The following DPP10 variants were observed in gnomAD, a reference collection of about 807,000 sequenced individuals.
DPP10 encodes dipeptidyl peptidase like 10, also known as inactive dipeptidyl peptidase 10.
Under a neutral mutation model 120.9 loss-of-function variants are expected in DPP10, and 33 were observed. The ratio of observed to expected loss-of-function variants is 0.27; its 90% confidence interval spans 0.21 to 0.37. DPP10 has a LOEUF of 0.37. DPP10 is among the 10% of genes least tolerant of loss of function. The pLI, the probability that DPP10 is intolerant of heterozygous loss-of-function variation, is 1.00. For synonymous variants in DPP10, 337 were observed against 326.1 expected (o/e 1.03, Z -0.36); for missense variants, 816 against 942.8 (o/e 0.87, Z 1.76).
At chr2:114,901,579 G>T (rs1191235386) in intron 1 of DPP10, among the ~76,000 whole-genome samples, 1 of 152,176 alleles carries the variant, frequency 6.6e-6, no homozygotes, top group Non-Finnish European at 1.5e-5. Context: ...ATCAATTTGT[G>T]AGGATAAACT....
At chr2:115,410,105 C>T (rs1016287123) in intron 3 of DPP10, among the ~76,000 whole-genome samples, 1 of 152,088 alleles carries the variant, frequency 6.6e-6, no homozygotes, top group Non-Finnish European at 1.5e-5. Flanking sequence ...ATCTCCCAGC[C>T]CCATTGATTA....
intron 13 of DPP10, among the ~76,000 whole-genome samples, chr2:115,773,096 A>G (rs774892194): frequency 1.3e-5 from 2 of 152,170 alleles, no homozygotes; most frequent in Non-Finnish European, 2.9e-5. Flanking sequence ...TTTTTGCATT[A>G]AGTTTCACTG....
chr2:115,496,943 A>G (rs1037286838), intron 3 of DPP10, among the ~76,000 whole-genome samples: 1 of 152,060 alleles, frequency 6.6e-6, no homozygotes, highest in African/African-American at 2.4e-5. Flanking sequence ...ATGCAATTAT[A>G]AAAGTGTGGA....
chr2:115,837,742 A>C (rs899623563), intron 24 of DPP10, among the ~76,000 whole-genome samples: 1 of 152,158 alleles, frequency 6.6e-6, no homozygotes, highest in Non-Finnish European at 1.5e-5. Context: ...AAGCCCATAC[A>C]TAACACCAGT....
At chr2:115,243,669 A>G (rs1176363639) in intron 1 of DPP10, among the ~76,000 whole-genome samples, 4 of 152,124 alleles carry the variant, frequency 2.6e-5, no homozygotes, top group Non-Finnish European at 5.9e-5. Context: ...ACATAGTCCA[A>G]GCAACCAACA....
intron 5 of DPP10, among the ~76,000 whole-genome samples, chr2:115,625,314 T>G (rs965088458): frequency 1.3e-5 from 2 of 152,146 alleles, no homozygotes; most frequent in African/African-American, 4.8e-5. Flanking sequence ...GTATTTAAAA[T>G]TACTGTAATT....
rs77834878 is a variant in DPP10 at position 115,536,653 on chromosome 2, G to A, written c.441+10681G>A. 4.0e-4 allele frequency among the ~76,000 whole-genome samples: 61 copies of A among 152,104 alleles called. 1 individual carries two copies. The East Asian group carries it at 0.01, about 26-fold the overall frequency. ...TTTAAGGTTCCTTTTGGTTTATGAT[G>A]CTATTTTATAGGACACGAATGCTTT... On this transcript the variant is annotated intron_variant, in intron 5 of 25. Coordinates refer to ENST00000410059, the MANE Select transcript of DPP10 (RefSeq NM_020868.6).
At chr2:115,161,832 C>G in intron 1 of DPP10, 1 of 971,150 alleles carries the variant, frequency 1.0e-6, no homozygotes, top group East Asian at 3.5e-5. Flanking sequence ...CTCCGCTCCC[C>G]CCACCCCGTC....
rs549842810 is a variant in DPP10, at chr2:114,997,314, C to T, written c.61-311925C>T. ...ACCATCCTGGTCAACATGGTGAAAC[C>T]CCGTCTCTACTGAAAAAAAAAAAAA... On this transcript the variant is annotated intron_variant, in intron 1 of 25. Coordinates refer to ENST00000410059, the MANE Select transcript of DPP10 (RefSeq NM_020868.6). Among the ~76,000 whole-genome samples the T allele has an allele frequency of 2.4e-5, 3 of 123,474 alleles. No individual in the cohort carries two copies. The South Asian group carries it at 9.5e-4, about 39-fold the overall frequency. The allele number at this position is 123,474 out of a possible 152,430, so 81.0% of individuals were successfully genotyped here.
At chr2:115,306,112 A>G (rs71418551) in intron 1 of DPP10, among the ~76,000 whole-genome samples, 4,141 of 152,126 alleles carry the variant, frequency 0.027, 73 homozygotes, top group South Asian at 0.059. Context: ...GAGGCTCAGA[A>G]TAATTTAGAA....
intron 1 of DPP10, among the ~76,000 whole-genome samples, chr2:115,187,430 A>G (rs773212441): frequency 2.0e-4 from 30 of 152,090 alleles, no homozygotes; most frequent in Non-Finnish European, 4.3e-4. Context: ...ATTTATGGAC[A>G]TTTTTCATAC....
intron 1 of DPP10, among the ~76,000 whole-genome samples, chr2:114,529,641 C>T (rs964528603): frequency 9.2e-5 from 14 of 152,134 alleles, no homozygotes; most frequent in Non-Finnish European, 2.9e-5. Context: ...CTCCTCCCAT[C>T]CCTAGCCTGC....
chr2:115,609,805 A>T (rs1383384447), intron 5 of DPP10, among the ~76,000 whole-genome samples: 1 of 152,158 alleles, frequency 6.6e-6, no homozygotes, highest in Non-Finnish European at 1.5e-5. Flanking sequence ...AATATTTATA[A>T]GGTCATGAAT....
chr2:115,736,716 C>T (rs1676557140), intron 8 of DPP10, among the ~76,000 whole-genome samples: 1 of 152,152 alleles, frequency 6.6e-6, no homozygotes, highest in Non-Finnish European at 1.5e-5. Flanking sequence ...GCCATCAGCT[C>T]TTCCCCTGAG....
At chr2:114,839,065 T>C (rs1687956991) in intron 1 of DPP10, among the ~76,000 whole-genome samples, 1 of 152,212 alleles carries the variant, frequency 6.6e-6, no homozygotes, top group Non-Finnish European at 1.5e-5. Context: ...TTTTGACAAG[T>C]ACACTATTGA....
At chr2:115,044,314 G>C (rs934782116) in intron 1 of DPP10, among the ~76,000 whole-genome samples, 1 of 152,086 alleles carries the variant, frequency 6.6e-6, no homozygotes, top group East Asian at 1.9e-4. Context: ...GAGAAACAGA[G>C]AGAGAAGGGA....
At chr2:114,686,142 G>C (rs1699350629) in intron 1 of DPP10, among the ~76,000 whole-genome samples, 1 of 151,874 alleles carries the variant, frequency 6.6e-6, no homozygotes, top group Non-Finnish European at 1.5e-5. Context: ...GGTGATGCAA[G>C]GAAAAGAGAA....
chr2:114,799,748 C>T (rs1003113702), intron 1 of DPP10, among the ~76,000 whole-genome samples: 4 of 151,936 alleles, frequency 2.6e-5, no homozygotes, highest in Non-Finnish European at 2.9e-5. Flanking sequence ...GTTGGATGTC[C>T]CCTGAGAAAT....
At chr2:114,684,575 A>C (rs1699245844) in intron 1 of DPP10, among the ~76,000 whole-genome samples, 1 of 151,956 alleles carries the variant, frequency 6.6e-6, no homozygotes, top group Non-Finnish European at 1.5e-5. Flanking sequence ...ACTTGACTGC[A>C]CTAGGACACA....
Sources: allele counts gnomAD v4.1 joint callset (sites outside exome capture counted in the v4.1 genomes callset), GRCh38; gene constraint gnomAD v4.1.1; transcripts MANE v1.5; gene names NCBI Gene and HGNC (gene_info 2026-07-23, HGNC 2026-07-21).